MGLL: variants seen among roughly 807,000 people sequenced by gnomAD.
The protein encoded by MGLL is monoglyceride lipase, also known as lysophospholipase homolog.
Under a neutral mutation model 29.1 loss-of-function variants are expected in MGLL, and 7 were observed. The observed-to-expected ratio is 0.24, with a 90% CI of 0.14 to 0.45. The LOEUF (loss-of-function observed/expected upper bound fraction) is 0.45. MGLL is among the 20% of genes least tolerant of loss of function. MGLL has a pLI of 0.99. For synonymous variants in MGLL, 148 were observed against 168.3 expected (o/e 0.88, Z 0.93); for missense variants, 356 against 413.6 (o/e 0.86, Z 1.21).
intron 3 of MGLL, among the ~76,000 whole-genome samples, chr3:127,771,803 C>G (rs1329584943): frequency 6.6e-6 from 1 of 152,154 alleles, no homozygotes; most frequent in South Asian, 2.1e-4. Context: ...AGAAGCCCTA[C>G]GTTAATTTTA....
chr3:127,775,594 A>AAC (rs560769208), intron 3 of MGLL, among the ~76,000 whole-genome samples: 31 of 152,324 alleles, frequency 2.0e-4, no homozygotes, highest in Admixed American at 1.6e-3. Flanking sequence ...GTTAAAAAAA[A>AAC]ACACACACAC....
intron 3 of MGLL, 132 bp downstream of exon 3, chr3:127,781,657 C>T (rs1186380505): frequency 2.2e-6 from 2 of 896,578 alleles, no homozygotes; most frequent in Non-Finnish European, 3.7e-6. Context: ...TGCATAACTA[C>T]ATTTTTTTAC....
At chr3:127,712,098 T>C (rs1210454679) in intron 5 of MGLL, 1 of 152,210 alleles carries the variant, frequency 6.6e-6, no homozygotes, top group East Asian at 1.9e-4. Flanking sequence ...GGAGGCTCGG[T>C]ACCATGAGGT....
chr3:127,800,419 G>A (rs2077455148), intron 2 of MGLL, among the ~76,000 whole-genome samples: 1 of 152,226 alleles, frequency 6.6e-6, no homozygotes, highest in Non-Finnish European at 1.5e-5. Context: ...TCTAGGCTCT[G>A]TGACTTCCTA....
chr3:127,777,863 C>T (rs1245573270), intron 3 of MGLL, among the ~76,000 whole-genome samples: 1 of 152,180 alleles, frequency 6.6e-6, no homozygotes, highest in Non-Finnish European at 1.5e-5. Flanking sequence ...GAAAAGTGCC[C>T]AGTAGAGAGC....
intron 2 of MGLL, among the ~76,000 whole-genome samples, chr3:127,797,663 A>G (rs1047890700): frequency 2.0e-4 from 31 of 152,202 alleles, no homozygotes; most frequent in African/African-American, 5.8e-4. Flanking sequence ...GCTGGAGTGC[A>G]GTGGTGTAAT....
chr3:127,795,772 A>G (rs561139388), intron 2 of MGLL, among the ~76,000 whole-genome samples: 2 of 152,320 alleles, frequency 1.3e-5, no homozygotes, highest in African/African-American at 4.8e-5. Context: ...CAACTCACAC[A>G]TATAATTTAT....
At chr3:127,790,894 C>T (rs1447027512) in intron 2 of MGLL, among the ~76,000 whole-genome samples, 3 of 152,150 alleles carry the variant, frequency 2.0e-5, no homozygotes, top group African/African-American at 7.2e-5. Context: ...ACAGATCCCA[C>T]GAGTTCCCCC....
chr3:127,765,110 G>A (rs2076833635), intron 3 of MGLL, among the ~76,000 whole-genome samples: 1 of 152,160 alleles, frequency 6.6e-6, no homozygotes, highest in African/African-American at 2.4e-5. Flanking sequence ...CTCAGCTCCT[G>A]AACCACAGCA....
At chr3:127,772,645 G>A (rs1044820145) in intron 3 of MGLL, among the ~76,000 whole-genome samples, 6 of 152,194 alleles carry the variant, frequency 3.9e-5, no homozygotes, top group Admixed American at 1.3e-4. Flanking sequence ...GGAGAGGCTG[G>A]ATTTGCAGGG....
At chr3:127,795,286 G>C (rs769416940) in intron 2 of MGLL, among the ~76,000 whole-genome samples, 4 of 152,032 alleles carry the variant, frequency 2.6e-5, no homozygotes, top group African/African-American at 4.8e-5. Context: ...AATTAATGCA[G>C]GAACAGAAAA....
At chr3:127,718,647 C>T (rs2075861101) in intron 5 of MGLL, among the ~76,000 whole-genome samples, 1 of 152,140 alleles carries the variant, frequency 6.6e-6, no homozygotes, top group African/African-American at 2.4e-5. Flanking sequence ...CAGAGTACCC[C>T]CGACATGCAT....
rs544718262 is a variant in MGLL at position 127,789,430 on chromosome 3, G to A, written c.156-7535C>T. On this transcript the variant is annotated intron_variant, in intron 2 of 7. Transcript: ENST00000265052. ...ATTTTTAAAAGGCATATTTTGGGGC[G>A]GGTGAGATGGCTCACGCCTATAATC... Among the ~76,000 whole-genome samples the A allele has an allele frequency of 2.0e-3, 310 of 152,334 alleles. 3 individuals carry two copies. Among genetic ancestry groups the A allele is most frequent in the African/African-American group, 6.5e-3 (271 of 41,578 alleles).
Position 127,692,112 on chromosome 3 carries a change from TTTTG to T in MGLL, c.*82_*85del, listed in dbSNP as rs1235316325. 9,876 of 930,776 alleles carry T rather than the reference TTTTG, an allele frequency of 0.011. 14 individuals are homozygous for T. The highest frequency in any genetic ancestry group is 0.017 in the Middle Eastern group (45 of 2,700). The allele number at this position is 930,776 out of a possible 1,614,324, so 57.7% of individuals were successfully genotyped here. On this transcript the variant is annotated 3_prime_UTR_variant, in exon 8 of 8. Coordinates refer to ENST00000265052, the MANE Select transcript of MGLL (RefSeq NM_007283.7). ...ATTTCTGATTTTTTTTTTTTTTTTT[TTTTG>T]GCAAGCCATATCTGAGAAGCCATCT... is the stretch of plus-strand genomic sequence containing the variant.
At chr3:127,793,171 C>T (rs541649850) in intron 2 of MGLL, among the ~76,000 whole-genome samples, 5 of 152,172 alleles carry the variant, frequency 3.3e-5, no homozygotes, top group Admixed American at 6.5e-5. Flanking sequence ...CGACCAGGCA[C>T]GTGGCAGAAT....
At chr3:127,728,492 T>C (rs2076088322) in intron 3 of MGLL, among the ~76,000 whole-genome samples, 1 of 152,226 alleles carries the variant, frequency 6.6e-6, no homozygotes, top group South Asian at 2.1e-4. Flanking sequence ...TCTACCAGGT[T>C]TTCTTTTCCT....
At chr3:127,754,533 C>T (rs566435033) in intron 3 of MGLL, among the ~76,000 whole-genome samples, 4 of 152,308 alleles carry the variant, frequency 2.6e-5, no homozygotes, top group Admixed American at 6.5e-5. Flanking sequence ...GCAGCAGTAC[C>T]GCCTGTGTCC....
chr3:127,811,137 C>A (rs1292550535), intron 2 of MGLL, among the ~76,000 whole-genome samples: 1 of 149,158 alleles, frequency 6.7e-6, no homozygotes, highest in Non-Finnish European at 1.5e-5. Context: ...TGCTTATATT[C>A]TTTTCCTGCA....
At chr3:127,821,927 CAT>C in intron 1 of MGLL, 89 bp from the exon 2 acceptor site, 7 of 1,423,282 alleles carry the variant, frequency 4.9e-6, no homozygotes, top group Non-Finnish European at 6.7e-6. Context: ...GAGTCAGTAA[CAT>C]TTTTTTAAAA....
Sources: gnomAD v4.1 joint callset for allele counts (sites outside exome capture counted in the v4.1 genomes callset) on GRCh38, gnomAD v4.1.1 for gene constraint, MANE v1.5 for transcripts, NCBI Gene and HGNC (gene_info 2026-07-23, HGNC 2026-07-21) for gene names.